Variants in RIMS1 observed in about 807,000 individuals in gnomAD.
The protein encoded by RIMS1 is regulating synaptic membrane exocytosis protein 1.
RIMS1 carries 83 observed loss-of-function variants against 214.1 expected under a neutral mutation model. That is an observed-to-expected ratio of 0.39 (90% CI 0.32 to 0.47). The LOEUF is 0.47. RIMS1 is among the 20% of genes least tolerant of loss of function. The pLI is 0.99. For synonymous variants in RIMS1, 793 were observed against 786.8 expected (o/e 1.01, Z -0.13); for missense variants, 2,050 against 2,161.8 (o/e 0.95, Z 1.03).
chr6:72,122,561 C>A (rs546896621), intron 4 of RIMS1, among the ~76,000 whole-genome samples: 1 of 151,882 alleles, frequency 6.6e-6, no homozygotes, highest in African/African-American at 2.4e-5. Context: ...GTACCAGCTC[C>A]TCTTTGTGCC....
chr6:71,893,705 A>G (rs1010081506), intron 1 of RIMS1, among the ~76,000 whole-genome samples: 2 of 152,224 alleles, frequency 1.3e-5, no homozygotes, highest in Non-Finnish European at 2.9e-5. Flanking sequence ...CATCGAGTTT[A>G]TATACACTTA....
At chr6:72,212,245 TTATCAG>T (rs2154007730) in intron 6 of RIMS1, among the ~76,000 whole-genome samples, 1 of 151,764 alleles carries the variant, frequency 6.6e-6, no homozygotes, top group East Asian at 1.9e-4. Flanking sequence ...TGCATCTCAT[TTATCAG>T]AAGGTACAGC....
chr6:72,216,629 A>G (rs2056159092), intron 6 of RIMS1: 1 of 985,488 alleles, frequency 1.0e-6, no homozygotes, highest in Admixed American at 6.1e-5. Flanking sequence ...ATGGGACCAA[A>G]TCATTTCAGG....
chr6:72,120,014 T>G (rs1043309152), intron 4 of RIMS1, among the ~76,000 whole-genome samples: 1 of 151,880 alleles, frequency 6.6e-6, no homozygotes, highest in African/African-American at 2.4e-5. Flanking sequence ...TAGTATTCCA[T>G]GATGTATATG....
intron 9 of RIMS1, among the ~76,000 whole-genome samples, chr6:72,240,931 G>A (rs1168703590): frequency 3.3e-5 from 5 of 151,968 alleles, no homozygotes; most frequent in East Asian, 1.9e-4. Context: ...CAGGAGGATC[G>A]CTTGAACCTG....
chr6:72,140,964 G>T (rs1337611383), intron 4 of RIMS1, among the ~76,000 whole-genome samples: 2 of 152,114 alleles, frequency 1.3e-5, no homozygotes, highest in Non-Finnish European at 2.9e-5. Flanking sequence ...TCTTAAGATG[G>T]TGATGTTCTC....
At chr6:72,377,670 AACTC>A (rs2098414741) in intron 29 of RIMS1, among the ~76,000 whole-genome samples, 2 of 152,192 alleles carry the variant, frequency 1.3e-5, no homozygotes, top group Non-Finnish European at 2.9e-5. Context: ...TTGATTAACT[AACTC>A]ACTGATTCCA....
chr6:71,965,657 C>T (rs1229272862), intron 1 of RIMS1, among the ~76,000 whole-genome samples: 1 of 152,276 alleles, frequency 6.6e-6, no homozygotes, highest in African/African-American at 2.4e-5. Flanking sequence ...TGCAGAATGT[C>T]TTATTTGCAT....
intron 6 of RIMS1, among the ~76,000 whole-genome samples, chr6:72,184,906 C>T (rs2463727): frequency 0.48 from 72,761 of 151,918 alleles, 18,600 homozygotes; most frequent in East Asian, 0.83. Context: ...ACTATTAACC[C>T]CCTGAGTGTT....
chr6:72,208,181 G>A (rs1204434776), intron 6 of RIMS1, among the ~76,000 whole-genome samples: 1 of 152,168 alleles, frequency 6.6e-6, no homozygotes, highest in Non-Finnish European at 1.5e-5. Flanking sequence ...TCTTATTTCT[G>A]TCTGAACCGT....
intron 16 of RIMS1, among the ~76,000 whole-genome samples, chr6:72,254,609 A>G (rs540310812): frequency 5.9e-5 from 9 of 152,314 alleles, no homozygotes; most frequent in African/African-American, 1.7e-4. Flanking sequence ...TTCACCTGAA[A>G]TTTCATATTT....
chr6:72,261,966 G>C, intron 19 of RIMS1: 1 of 984,388 alleles, frequency 1.0e-6, no homozygotes, highest in Non-Finnish European at 1.2e-6. Context: ...TTGACAAACA[G>C]TTTCTTAAAA....
intron 2 of RIMS1, among the ~76,000 whole-genome samples, chr6:71,981,924 A>G (rs760341282): frequency 2.1e-5 from 3 of 143,868 alleles, no homozygotes; most frequent in Non-Finnish European, 4.5e-5. Context: ...ATGCCATTGG[A>G]ACTTGATATA....
chr6:72,222,181 G>C (rs562151402), intron 6 of RIMS1, among the ~76,000 whole-genome samples: 2 of 152,066 alleles, frequency 1.3e-5, no homozygotes, highest in South Asian at 4.2e-4. Context: ...TAGTGTTATT[G>C]AATAGTTTAT....
At position 72,400,519 on chromosome 6, in the gene RIMS1, C is replaced by T; in HGVS notation, c.4884C>T (p.Gly1628=). ...AGGTGATTGTCTGGGGAGACTATGG[C>T]AGAATGGACCACAAATGCTTTATGG... The part of the protein sequence containing the change: ...VLQVIVWGDY[G]RMDHKCFMGV... Residue 1628 remains glycine (G), a synonymous_variant, in exon 34 of 34, where the codon GGC becomes GGT. Coordinates refer to ENST00000521978, the MANE Select transcript of RIMS1 (RefSeq NM_014989.7). 1 of 1,613,970 alleles carries T rather than the reference C, an allele frequency of 6.2e-7. No homozygotes were observed. Among genetic ancestry groups the T allele is most frequent in the Non-Finnish European group, 8.5e-7 (1 of 1,179,882 alleles).
intron 2 of RIMS1, among the ~76,000 whole-genome samples, chr6:72,061,962 G>A (rs1007434928): frequency 2.0e-5 from 3 of 152,130 alleles, no homozygotes; most frequent in Non-Finnish European, 4.4e-5. Context: ...CAAGAACTAC[G>A]GGGATAACTT....
At chr6:72,090,094 G>A (rs920514920) in intron 2 of RIMS1, among the ~76,000 whole-genome samples, 3 of 151,550 alleles carry the variant, frequency 2.0e-5, no homozygotes, top group Admixed American at 6.6e-5. Flanking sequence ...TGGGTGCAGC[G>A]CACCAGCATG....
intron 4 of RIMS1, among the ~76,000 whole-genome samples, chr6:72,164,515 A>G (rs1039940337): frequency 4.6e-5 from 7 of 152,178 alleles, no homozygotes; most frequent in Non-Finnish European, 8.8e-5. Flanking sequence ...AGCTGTTCCT[A>G]TTTAGCCATC....
chr6:72,032,757 C>T (rs1245874052), intron 2 of RIMS1, among the ~76,000 whole-genome samples: 1 of 152,152 alleles, frequency 6.6e-6, no homozygotes, highest in Non-Finnish European at 1.5e-5. Context: ...TATTTCTACC[C>T]TCTATCTCAC....
Sources: allele counts gnomAD v4.1 joint callset (sites outside exome capture counted in the v4.1 genomes callset), GRCh38; gene constraint gnomAD v4.1.1; transcripts MANE v1.5; gene names NCBI Gene and HGNC (gene_info 2026-07-23, HGNC 2026-07-21).